ROR2: variants seen among roughly 807,000 people sequenced by gnomAD.
ROR2 encodes the protein tyrosine-protein kinase transmembrane receptor ROR2.
ROR2 carries 33 observed loss-of-function variants against 74.9 expected under a neutral mutation model. The ratio of observed to expected loss-of-function variants is 0.44; its 90% CI spans 0.33 to 0.59. The LOEUF (loss-of-function observed/expected upper bound fraction) is 0.59, where lower values mean the gene tolerates loss of function less well. Among genes scored for constraint, ROR2 ranks in the 20% least tolerant of loss-of-function variants. The pLI, the probability that ROR2 is intolerant of heterozygous loss-of-function variation, is 0.02. For synonymous variants in ROR2, 586 were observed against 558.7 expected (o/e 1.05, Z -0.69); for missense variants, 1,216 against 1,313.8 (o/e 0.93, Z 1.15).
rs1836936311 is a variant in ROR2 at position 91,724,526 on chromosome 9, G to T, written c.1968C>A (p.Ile656=). Residue 656 remains isoleucine (I), a synonymous_variant, in exon 9 of 9, where the codon ATC becomes ATA. Transcript: ENST00000375708. ...TGATGGCCTCTGGGGCCATCCAGCG[G>T]ATAGGCAGCAGCGAGTTCCCCAGCA... The part of the protein sequence containing the change: ...YKLLGNSLLP[I]RWMAPEAIMY... 2 of 1,614,228 alleles carry T rather than the reference G, an allele frequency of 1.2e-6. No individual in the cohort carries two copies. The highest frequency in any genetic ancestry group is 1.7e-6 in the Non-Finnish European group (2 of 1,180,046).
At chr9:91,768,964 G>A (rs1235872659) in intron 2 of ROR2, among the ~76,000 whole-genome samples, 1 of 152,184 alleles carries the variant, frequency 6.6e-6, no homozygotes, top group East Asian at 1.9e-4. Flanking sequence ...CCAGAGTGGT[G>A]CAACGCTCAC....
chr9:91,816,838 C>T (rs1827956884), intron 1 of ROR2, among the ~76,000 whole-genome samples: 1 of 152,126 alleles, frequency 6.6e-6, no homozygotes, highest in African/African-American at 2.4e-5. Context: ...TTACCACTCA[C>T]CATTGGTTTT....
At chr9:91,879,617 C>G (rs1830050497) in intron 1 of ROR2, among the ~76,000 whole-genome samples, 1 of 152,116 alleles carries the variant, frequency 6.6e-6, no homozygotes, top group African/African-American at 2.4e-5. Flanking sequence ...CGCACTTATG[C>G]AGGTACCTGA....
intron 1 of ROR2, among the ~76,000 whole-genome samples, chr9:91,843,778 C>A (rs1828850052): frequency 1.3e-5 from 2 of 152,394 alleles, no homozygotes; most frequent in South Asian, 4.1e-4. Flanking sequence ...TGCACATGCC[C>A]CGCCTGGCTG....
At position 91,731,060 on chromosome 9, in the gene ROR2, G is replaced by A; in HGVS notation, c.1033C>T (p.Pro345Ser). 1 of 1,614,128 alleles carries A rather than the reference G, an allele frequency of 6.2e-7. No homozygotes were observed. The highest frequency in any genetic ancestry group is 8.5e-7 in the Non-Finnish European group (1 of 1,180,038). ...HQCQPWALQHPHSHHLSSTDF... is the reference protein window; with the variant it reads ...HQCQPWALQHSHSHHLSSTDF... ...GTGCTGGACAGGTGGTGGCTGTGGG[G>A]GTGCTGCAGGGCCCACGGCTGGCAC... Residue 345 changes from proline (P) to serine (S), a missense_variant, in exon 7 of 9, where the codon CCC becomes TCC. Transcript: ENST00000375708.
intron 1 of ROR2, among the ~76,000 whole-genome samples, chr9:91,884,091 C>G (rs553914630): frequency 3.0e-4 from 45 of 152,332 alleles, no homozygotes; most frequent in African/African-American, 1.1e-3. Context: ...CAAAGGGAAG[C>G]TCTGTACTTC....
chr9:91,925,855 C>T (rs1327970738), intron 1 of ROR2, among the ~76,000 whole-genome samples: 2 of 152,192 alleles, frequency 1.3e-5, no homozygotes, highest in Admixed American at 1.3e-4. Flanking sequence ...CACCAACTGA[C>T]CTCAGAGATG....
intron 1 of ROR2, among the ~76,000 whole-genome samples, chr9:91,832,367 CAAAAAA>C (rs10677451): frequency 5.2e-5 from 2 of 38,328 alleles, no homozygotes; most frequent in Non-Finnish European, 9.4e-5. Flanking sequence ...GTCACAATGG[CAAAAAA>C]AAAAAAAAAA....
intron 1 of ROR2, among the ~76,000 whole-genome samples, chr9:91,781,487 G>A (rs746175785): frequency 2.0e-5 from 3 of 152,196 alleles, no homozygotes; most frequent in East Asian, 1.9e-4. Context: ...ATAAAGTCCC[G>A]AAAGGGTAAG....
At position 91,937,809 on chromosome 9, in the gene ROR2, G is replaced by A. The variant is rs1419134794; in HGVS notation, c.97+12058C>T. 2.0e-5 allele frequency among the ~76,000 whole-genome samples: 3 copies of A among 152,146 alleles called. No individual in the cohort carries two copies. The East Asian group carries it at 5.8e-4, about 29-fold the overall frequency. Reference sequence around the variant, plus strand: ...ACTCACTACAGCCTTGAACTCCTGGGCTCAAGTGATCCTCCTGTCTTAACC... The same window carrying A: ...ACTCACTACAGCCTTGAACTCCTGGACTCAAGTGATCCTCCTGTCTTAACC... On this transcript the variant is annotated intron_variant, in intron 1 of 8. Coordinates refer to ENST00000375708, the MANE Select transcript of ROR2 (RefSeq NM_004560.4).
At chr9:91,904,056 G>C (rs916216891) in intron 1 of ROR2, among the ~76,000 whole-genome samples, 28 of 151,300 alleles carry the variant, frequency 1.9e-4, no homozygotes, top group South Asian at 2.1e-4. Flanking sequence ...TTTTTTGGGG[G>C]GGGGGACAGA....
chr9:91,769,591 G>A (rs1826165797), intron 2 of ROR2, among the ~76,000 whole-genome samples: 1 of 152,020 alleles, frequency 6.6e-6, no homozygotes, highest in Non-Finnish European at 1.5e-5. Context: ...TTGCTGCTCT[G>A]AGCGGGACTC....
At position 91,726,700 on chromosome 9, in the gene ROR2, G is replaced by A; in HGVS notation, c.1227C>T (p.Val409=). 1 of 1,613,956 alleles carries A rather than the reference G, an allele frequency of 6.2e-7. No individual in the cohort carries two copies. The highest frequency in any genetic ancestry group is 8.5e-7 in the Non-Finnish European group (1 of 1,179,998). Residue 409 remains valine, a synonymous_variant, in exon 8 of 9, where the codon GTC becomes GTT. Transcript: ENST00000375708. ...TGACCAGTGGAATTGCGATGCTGGG[G>A]ACCAAGATGTACAGAATCCCCATCT... ...SSKMGILYIL[V]PSIAIPLVIA...
At chr9:91,835,429 C>T (rs1330858583) in intron 1 of ROR2, among the ~76,000 whole-genome samples, 2 of 152,174 alleles carry the variant, frequency 1.3e-5, no homozygotes, top group African/African-American at 4.8e-5. Flanking sequence ...AGCCCTCATT[C>T]CATATACTGG....
chr9:91,946,172 C>T lies in ROR2; in HGVS notation c.97+3695G>A, dbSNP rs911423580. On this transcript the variant is annotated intron_variant, in intron 1 of 8. Coordinates refer to ENST00000375708, the MANE Select transcript of ROR2 (RefSeq NM_004560.4). ...TATTGGCCATGCAGCTGGGGTGCAACCAATAAAAATCCAGACCTAGCTAGC... is the reference window on the plus strand; with the variant it reads ...TATTGGCCATGCAGCTGGGGTGCAATCAATAAAAATCCAGACCTAGCTAGC... 1.1e-4 allele frequency among the ~76,000 whole-genome samples: 16 copies of T among 152,290 alleles called. 1 individual carries two copies. Among genetic ancestry groups the T allele is most frequent in the Admixed American group, 2.0e-4 (3 of 15,298 alleles).
Position 91,808,091 on chromosome 9 carries a change from C to G in ROR2, c.98-32273G>C, listed in dbSNP as rs141707302. 3.2e-3 allele frequency among the ~76,000 whole-genome samples: 479 copies of G among 150,440 alleles called. 4 individuals carry two copies. Among genetic ancestry groups the G allele is most frequent in the African/African-American group, 0.011 (450 of 40,122 alleles). ...AAGAAGAAAATTATTTCTATAAACA[C>G]TAAGCGGAATGCTTTAGGAAAAAAA... On this transcript the variant is annotated intron_variant, in intron 1 of 8. Transcript: ENST00000375708.
chr9:91,828,578 G>A (rs1446634052), intron 1 of ROR2, among the ~76,000 whole-genome samples: 2 of 152,174 alleles, frequency 1.3e-5, no homozygotes, highest in African/African-American at 4.8e-5. Flanking sequence ...GCTTGGCGTG[G>A]TAGTGCACGC....
intron 1 of ROR2, among the ~76,000 whole-genome samples, chr9:91,816,990 T>A (rs1411023185): frequency 6.6e-6 from 1 of 152,246 alleles, no homozygotes; most frequent in Non-Finnish European, 1.5e-5. Context: ...ACTGACCATC[T>A]GTACTTCTAA....
chr9:91,878,832 C>T (rs182882485), intron 1 of ROR2, among the ~76,000 whole-genome samples: 74 of 152,316 alleles, frequency 4.9e-4, no homozygotes, highest in African/African-American at 1.3e-3. Context: ...AATCCCAGCA[C>T]TTTGGGAGGC....
Sources: allele counts gnomAD v4.1 joint callset (sites outside exome capture counted in the v4.1 genomes callset), GRCh38; gene constraint gnomAD v4.1.1; transcripts MANE v1.5; gene names NCBI Gene and HGNC (gene_info 2026-07-23, HGNC 2026-07-21).